CEP128: variants seen among roughly 807,000 people sequenced by gnomAD.
CEP128 encodes the protein centrosomal protein 128kDa.
Under a neutral mutation model 156.7 loss-of-function variants are expected in CEP128, and 132 were observed. The ratio of observed to expected loss-of-function variants is 0.84; its 90% CI spans 0.73 to 0.97. CEP128 has a LOEUF of 0.97. Ranked by LOEUF, CEP128 falls within the 50% of genes least tolerant of loss-of-function variation. The pLI is 0.00. For synonymous variants in CEP128, 469 were observed against 448.9 expected, an observed-to-expected ratio of 1.04 and a Z score of -0.57; for missense variants, 1,252 against 1,281.9, an observed-to-expected ratio of 0.98 and a Z score of 0.36.
chr14:80,886,774 T>C (rs572251751), intron 8 of CEP128, among the ~76,000 whole-genome samples: 6 of 152,114 alleles, frequency 3.9e-5, no homozygotes, highest in African/African-American at 1.2e-4. Flanking sequence ...AATTCACACA[T>C]AACAATATTA....
At chr14:80,520,445 A>AAAAC (rs1302215681) in intron 23 of CEP128, among the ~76,000 whole-genome samples, 9 of 151,112 alleles carry the variant, frequency 6.0e-5, no homozygotes, top group Admixed American at 5.3e-4. Context: ...AACAAACAAA[A>AAAAC]AACAACATTC....
chr14:80,487,590 A>C (rs997003799), downstream of CEP128, among the ~76,000 whole-genome samples: 3 of 152,148 alleles, frequency 2.0e-5, no homozygotes, highest in Non-Finnish European at 4.4e-5. Context: ...TCAGCACCAC[A>C]CCAAACCTAC....
intron 2 of CEP128, among the ~76,000 whole-genome samples, chr14:80,949,193 A>G (rs1886407283): frequency 6.6e-6 from 1 of 152,194 alleles, no homozygotes; most frequent in Non-Finnish European, 1.5e-5. Context: ...GGAAACAAAT[A>G]AAGCAAGCCT....
intron 7 of CEP128, among the ~76,000 whole-genome samples, chr14:80,896,907 T>A (rs1436556065): frequency 6.6e-6 from 1 of 152,234 alleles, no homozygotes; most frequent in African/African-American, 2.4e-5. Context: ...CATTCCAGGG[T>A]TACTTTCACT....
At chr14:80,628,585 A>G (rs1048272482) in intron 19 of CEP128, among the ~76,000 whole-genome samples, 1 of 152,152 alleles carries the variant, frequency 6.6e-6, no homozygotes, top group African/African-American at 2.4e-5. Flanking sequence ...CGTCCGCACA[A>G]CTACCTTTCT....
chr14:80,694,415 A>T (rs1020690094), intron 19 of CEP128, among the ~76,000 whole-genome samples: 8 of 152,200 alleles, frequency 5.3e-5, no homozygotes, highest in African/African-American at 1.7e-4. Context: ...TACCCAAAGG[A>T]TTATAAATCA....
intron 13 of CEP128, among the ~76,000 whole-genome samples, chr14:80,814,294 C>CA (rs1232291589): frequency 6.6e-6 from 1 of 152,104 alleles, no homozygotes; most frequent in Non-Finnish European, 1.5e-5. Flanking sequence ...ATTAGAATTT[C>CA]AGACCTATTT....
At chr14:80,889,820 A>T (rs1889000861) in intron 8 of CEP128, among the ~76,000 whole-genome samples, 1 of 152,344 alleles carries the variant, frequency 6.6e-6, no homozygotes, top group East Asian at 1.9e-4. Flanking sequence ...AAAAGAAGTT[A>T]TCATCAGAGT....
At chr14:80,914,251 C>A in intron 4 of CEP128, 71 bp downstream of exon 4, 4 of 1,041,646 alleles carry the variant, frequency 3.8e-6, no homozygotes, top group South Asian at 1.3e-5. Flanking sequence ...TAGCTCACAG[C>A]CCCATTCCCC....
At chr14:80,799,390 C>T (rs1007459725) in intron 13 of CEP128, among the ~76,000 whole-genome samples, 1 of 152,102 alleles carries the variant, frequency 6.6e-6, no homozygotes, top group Non-Finnish European at 1.5e-5. Context: ...TTGTGTTAAG[C>T]GTACAGATTG....
intron 8 of CEP128, among the ~76,000 whole-genome samples, chr14:80,879,289 A>T (rs1888421485): frequency 6.6e-6 from 1 of 152,150 alleles, no homozygotes; most frequent in African/African-American, 2.4e-5. Context: ...AAAAATGATA[A>T]AGCAAGGAAA....
intron 18 of CEP128, 49 bp from the exon 19 acceptor site, chr14:80,743,316 C>T (rs942173741): frequency 1.5e-6 from 2 of 1,341,164 alleles, no homozygotes; most frequent in African/African-American, 2.9e-5. Context: ...CAGAAAAGAG[C>T]AGCATTTCAA....
At chr14:80,642,675 A>T (rs1019429482) in intron 19 of CEP128, among the ~76,000 whole-genome samples, 19 of 152,158 alleles carry the variant, frequency 1.2e-4, no homozygotes, top group Non-Finnish European at 2.2e-4. Context: ...ACAAACAAAG[A>T]AAAAGAGAGA....
At chr14:80,522,537 G>GACT (rs1888791614) in intron 23 of CEP128, among the ~76,000 whole-genome samples, 1 of 152,160 alleles carries the variant, frequency 6.6e-6, no homozygotes, top group Non-Finnish European at 1.5e-5. Flanking sequence ...TAAAAATCAT[G>GACT]ACTTTTCTTT....
chr14:80,617,316 C>T (rs1225284075), intron 19 of CEP128, among the ~76,000 whole-genome samples: 1 of 139,834 alleles, frequency 7.2e-6, no homozygotes, highest in Non-Finnish European at 1.5e-5. Context: ...CTGCAAGCTC[C>T]ACCTCCCGGG....
chr14:80,673,062 G>A (rs1895908174), intron 19 of CEP128, among the ~76,000 whole-genome samples: 1 of 152,150 alleles, frequency 6.6e-6, no homozygotes, highest in South Asian at 2.1e-4. Context: ...TGTATAGTAA[G>A]ACCTATATAA....
chr14:80,784,951 T>C lies in CEP128; in HGVS notation c.2155A>G (p.Met719Val), dbSNP rs779554961. ...CTCTTTTCTTTCTTAAAGTGCTTCA[T>C]AAGCTCCTGGATATTCTGTTCGTGT... ...TKHEQNIQELMKHFKKEKSEA... is the reference protein window; with the variant it reads ...TKHEQNIQELVKHFKKEKSEA... The change falls in exon 15 of 25, where the codon ATG becomes GTG. Residue 719 changes from methionine to valine, a missense_variant. By Grantham distance (21) the Met-to-Val change is conservative. Transcript: ENST00000555265. 14 of 1,613,910 alleles carry C rather than the reference T, an allele frequency of 8.7e-6. No homozygotes were observed. The African/African-American group carries it at 1.3e-4, about 15-fold the overall frequency.
intron 1 of CEP128, among the ~76,000 whole-genome samples, chr14:80,958,680 C>T (rs899179652): frequency 1.3e-5 from 2 of 151,838 alleles, no homozygotes; most frequent in South Asian, 4.2e-4. Flanking sequence ...TCTTTCTAGA[C>T]AAGAAAGATC....
At chr14:80,612,984 G>A (rs1452030400) in intron 19 of CEP128, among the ~76,000 whole-genome samples, 1 of 150,584 alleles carries the variant, frequency 6.6e-6, no homozygotes, top group East Asian at 2.0e-4. Context: ...GGGACTACAG[G>A]TGCACGCCGC....
Sources: allele counts gnomAD v4.1 joint callset (sites outside exome capture counted in the v4.1 genomes callset), GRCh38; gene constraint gnomAD v4.1.1; transcripts MANE v1.5; gene names NCBI Gene and HGNC (gene_info 2026-07-23, HGNC 2026-07-21).